JAK2: variants seen among roughly 807,000 people sequenced by gnomAD.
The protein encoded by JAK2 is tyrosine-protein kinase JAK2.
In JAK2, 86 loss-of-function variants were observed where a neutral mutation model predicts 139.3. That is an observed-to-expected ratio of 0.62 (90% CI 0.52 to 0.74). The LOEUF is 0.74. JAK2 is among the 30% of genes least tolerant of loss of function. JAK2 has a pLI of 0.00. For missense variants in JAK2, 1,421 were observed against 1,360.3 expected (o/e 1.04, Z -0.70); for synonymous variants, 490 against 437.7 (o/e 1.12, Z -1.49).
chr9:5,065,771 C>G (rs1308706356), intron 9 of JAK2, among the ~76,000 whole-genome samples: 2 of 152,062 alleles, frequency 1.3e-5, no homozygotes, highest in Non-Finnish European at 2.9e-5. Flanking sequence ...ATGTTGACAA[C>G]AGATTTGAAT....
intron 22 of JAK2, chr9:5,111,436 C>A: frequency 5.1e-6 from 2 of 394,670 alleles, no homozygotes; most frequent in Middle Eastern, 6.2e-4. Context: ...TCGGGAAGGT[C>A]CCGCCTGGTC....
At chr9:5,056,294 G>T (rs959712143) in intron 8 of JAK2, among the ~76,000 whole-genome samples, 4 of 151,958 alleles carry the variant, frequency 2.6e-5, no homozygotes, top group South Asian at 2.1e-4. Context: ...AATAGCTTCA[G>T]AAATCTAATT....
chr9:5,107,284 A>G (rs935919802), intron 22 of JAK2, among the ~76,000 whole-genome samples: 2 of 152,102 alleles, frequency 1.3e-5, no homozygotes, highest in African/African-American at 4.8e-5. Context: ...ACTACTAATT[A>G]CATTTTTACT....
chr9:5,119,563 AAAT>A (rs1823459645), intron 22 of JAK2, among the ~76,000 whole-genome samples: 2 of 152,340 alleles, frequency 1.3e-5, no homozygotes, highest in African/African-American at 2.4e-5. Context: ...CATATTATGA[AAAT>A]AAGATAATTT....
intron 2 of JAK2, among the ~76,000 whole-genome samples, chr9:4,996,228 C>T (rs1441135206): frequency 6.6e-6 from 1 of 152,100 alleles, no homozygotes; most frequent in East Asian, 1.9e-4. Flanking sequence ...GTATATGGAT[C>T]ACCTGAGGTC....
chr9:5,031,395 G>T (rs1436755041), intron 4 of JAK2, among the ~76,000 whole-genome samples: 1 of 152,166 alleles, frequency 6.6e-6, no homozygotes, highest in Non-Finnish European at 1.5e-5. Context: ...GATGGGGCCA[G>T]TATATCTTGA....
chr9:5,123,594 G>A (rs1167897432), intron 23 of JAK2, among the ~76,000 whole-genome samples: 5 of 151,880 alleles, frequency 3.3e-5, no homozygotes, highest in African/African-American at 1.2e-4. Context: ...CTTTTGTGAA[G>A]AATGCTGCAA....
intron 2 of JAK2, among the ~76,000 whole-genome samples, chr9:4,998,968 C>G (rs1246412371): frequency 6.6e-6 from 1 of 151,070 alleles, no homozygotes; most frequent in African/African-American, 2.4e-5. Flanking sequence ...ACTACAGGTG[C>G]CCGCCACCAC....
At chr9:5,034,709 T>C (rs1027484963) in intron 4 of JAK2, among the ~76,000 whole-genome samples, 5 of 151,828 alleles carry the variant, frequency 3.3e-5, no homozygotes, top group African/African-American at 1.2e-4. Flanking sequence ...AGACACAACA[T>C]ACCAGAATCT....
chr9:5,087,628 A>T (rs1055962066), intron 19 of JAK2, among the ~76,000 whole-genome samples: 1 of 152,230 alleles, frequency 6.6e-6, no homozygotes, highest in Non-Finnish European at 1.5e-5. Context: ...TTGCCTATCA[A>T]AGTGACAAGG....
At chr9:4,994,433 C>T (rs970536287) in intron 2 of JAK2, among the ~76,000 whole-genome samples, 9 of 152,124 alleles carry the variant, frequency 5.9e-5, no homozygotes, top group African/African-American at 2.2e-4. Flanking sequence ...TGGAGTGGGA[C>T]TTGAGGATTT....
At chr9:5,027,790 C>T (rs919316146) in intron 3 of JAK2, among the ~76,000 whole-genome samples, 1 of 152,204 alleles carries the variant, frequency 6.6e-6, no homozygotes, top group African/African-American at 2.4e-5. Flanking sequence ...ACTTTCTTTG[C>T]TCATCCATAA....
chr9:5,077,415 A>G (rs1319201116), intron 14 of JAK2, 38 bp from the exon 15 acceptor site: 1 of 726,170 alleles, frequency 1.4e-6, no homozygotes, highest in Non-Finnish European at 2.0e-6. Context: ...TTATATTTAT[A>G]CTTAAGCCTT....
chr9:5,085,647 C>G (rs1221758260), intron 19 of JAK2: 2 of 723,592 alleles, frequency 2.8e-6, no homozygotes, highest in Non-Finnish European at 2.6e-6. Context: ...CACCCCAGAT[C>G]TTGTGTGTTT....
intron 8 of JAK2, among the ~76,000 whole-genome samples, chr9:5,057,716 G>C (rs1817868390): frequency 6.6e-6 from 1 of 151,554 alleles, no homozygotes; most frequent in Non-Finnish European, 1.5e-5. Flanking sequence ...CCGATAGCTG[G>C]GATTACAGGT....
At chr9:5,081,885 A>G (rs1306574799) in intron 19 of JAK2, 24 bp downstream of exon 19, 11 of 1,583,658 alleles carry the variant, frequency 6.9e-6, no homozygotes, top group African/African-American at 1.4e-5. Flanking sequence ...ATTTTTTCAA[A>G]TAGAGTATAA....
intron 4 of JAK2, among the ~76,000 whole-genome samples, chr9:5,044,145 T>C (rs1462408884): frequency 6.6e-6 from 1 of 152,244 alleles, no homozygotes; most frequent in East Asian, 1.9e-4. Flanking sequence ...TCTACATTTT[T>C]TGTTTCCTAC....
At chr9:5,070,544 A>T (rs985242098) in intron 12 of JAK2, among the ~76,000 whole-genome samples, 1 of 152,126 alleles carries the variant, frequency 6.6e-6, no homozygotes, top group Non-Finnish European at 1.5e-5. Flanking sequence ...TCCTATGAAC[A>T]CTGTATTTCT....
In JAK2 at chr9:5,041,530, TGCTCTGCGAGAACTTCCCAGAGGAGATG is replaced by T; in HGVS notation, c.351-2869_351-2842del. On this transcript the variant is annotated intron_variant, in intron 4 of 24. Coordinates refer to ENST00000381652, the MANE Select transcript of JAK2 (RefSeq NM_004972.4). ...ACATAGCGCGCCACGCCCATCGAAGTGCTCTGCGAGAACTTCCCAGAGGAGATGGCTACGTACCTGCACTACGTGCGGC... is the reference window on the plus strand; with the variant it reads ...ACATAGCGCGCCACGCCCATCGAAGTGCTACGTACCTGCACTACGTGCGGC... 3 of 542,832 alleles carry T rather than the reference TGCTCTGCGAGAACTTCCCAGAGGAGATG, an allele frequency of 5.5e-6. No individual in the cohort carries two copies. The Admixed American group carries it at 6.7e-5, about 12-fold the overall frequency. 33.6% of individuals were successfully genotyped at this position (542,832 alleles called of 1,614,324 possible).
Sources: gnomAD v4.1 joint callset for allele counts (sites outside exome capture counted in the v4.1 genomes callset) on GRCh38, gnomAD v4.1.1 for gene constraint, MANE v1.5 for transcripts, NCBI Gene and HGNC (gene_info 2026-07-23, HGNC 2026-07-21) for gene names.